Variants in ARMC9 observed in about 807,000 individuals in gnomAD.
ARMC9 encodes the protein armadillo repeat containing 9.
A neutral mutation model predicts 107.0 loss-of-function variants in ARMC9; 94 were observed. The observed-to-expected ratio is 0.88, with a 90% CI of 0.74 to 1.04. The LOEUF is 1.04. Ranked by LOEUF, ARMC9 falls within the 50% of genes least tolerant of loss-of-function variation. The pLI is 0.00. For synonymous variants in ARMC9, 380 were observed against 396.9 expected (o/e 0.96, Z 0.51); for missense variants, 942 against 1,030.1 (o/e 0.91, Z 1.17).
At chr2:231,205,201 TAAAAAAA>T (rs769562866) in intron 1 of ARMC9, among the ~76,000 whole-genome samples, 1 of 129,468 alleles carries the variant, frequency 7.7e-6, no homozygotes, top group Non-Finnish European at 1.7e-5. Context: ...TGTCTCTACT[TAAAAAAA>T]AAAAAAAAAA....
intron 18 of ARMC9, 105 bp downstream of exon 18, chr2:231,291,548 T>TG: frequency 8.8e-7 from 1 of 1,138,090 alleles, no homozygotes; most frequent in African/African-American, 1.5e-5. Flanking sequence ...CCGGGCACGG[T>TG]GGCTCGTGCT....
At position 231,226,790 on chromosome 2, in the gene ARMC9, G is replaced by A; in HGVS notation, c.614G>A (p.Ser205Asn). Residue 205 changes from serine to asparagine, a missense_variant, in exon 7 of 25, where the codon AGT (serine) becomes AAT (asparagine). Physicochemically the swap from Ser to Asn is conservative, Grantham distance 46. Coordinates refer to ENST00000611582, the MANE Select transcript of ARMC9 (RefSeq NM_001352754.2). ...TCATCCCAGAAGGAGAATGGACAAA[G>A]TAACAAAGGTAAATCATCTAGATTT... ...LLTIYKENGQ[S>N]NKEILQQLHQ... 6 of 1,613,654 alleles carry A rather than the reference G, an allele frequency of 3.7e-6. No homozygotes were observed. Among genetic ancestry groups the A allele is most frequent in the Non-Finnish European group, 5.1e-6 (6 of 1,179,618 alleles).
chr2:231,207,037 T>C (rs1342812255), intron 2 of ARMC9, among the ~76,000 whole-genome samples: 1 of 152,244 alleles, frequency 6.6e-6, no homozygotes, highest in Non-Finnish European at 1.5e-5. Flanking sequence ...CAAGGTCTTG[T>C]TCTGCCGCCT....
intron 9 of ARMC9, among the ~76,000 whole-genome samples, chr2:231,243,832 G>A (rs2125379553): frequency 6.6e-6 from 1 of 152,364 alleles, no homozygotes; most frequent in South Asian, 2.1e-4. Context: ...TTTACAATGT[G>A]TGAAGAAGGA....
At chr2:231,352,481 A>AT (rs1233397034) in intron 21 of ARMC9, among the ~76,000 whole-genome samples, 1 of 151,108 alleles carries the variant, frequency 6.6e-6, no homozygotes, top group Non-Finnish European at 1.5e-5. Flanking sequence ...ATTTTATTTT[A>AT]TTTTTTTATT....
chr2:231,216,411 C>T (rs2033504064), intron 4 of ARMC9, among the ~76,000 whole-genome samples: 3 of 152,092 alleles, frequency 2.0e-5, no homozygotes, highest in Admixed American at 2.0e-4. Context: ...AGTTAAAAAG[C>T]AGCATATTGA....
At chr2:231,267,854 C>A (rs2038987774) in intron 12 of ARMC9, among the ~76,000 whole-genome samples, 1 of 152,138 alleles carries the variant, frequency 6.6e-6, no homozygotes, top group Non-Finnish European at 1.5e-5. Flanking sequence ...TATGTCCTAG[C>A]AAAACCACTC....
intron 19 of ARMC9, among the ~76,000 whole-genome samples, chr2:231,304,724 A>C (rs1228701878): frequency 1.3e-5 from 2 of 152,184 alleles, no homozygotes; most frequent in East Asian, 3.8e-4. Context: ...TTATTATATA[A>C]CATAAGAAAT....
chr2:231,234,320 G>A (rs552864300), intron 7 of ARMC9, among the ~76,000 whole-genome samples: 14 of 152,248 alleles, frequency 9.2e-5, no homozygotes, highest in Non-Finnish European at 1.6e-4. Context: ...GGCTGCCCAC[G>A]GGGGGATTCC....
chr2:231,376,441 C>T lies in ARMC9; in HGVS notation c.*4906C>T, dbSNP rs1300053215. Among the ~76,000 whole-genome samples the T allele has an allele frequency of 2.0e-5, 3 of 152,038 alleles. No homozygotes were observed. The highest frequency in any genetic ancestry group is 7.3e-5 in the African/African-American group (3 of 41,376). On this transcript the variant is annotated 3_prime_UTR_variant, in exon 25 of 25. Transcript: ENST00000611582. The stretch of plus-strand genomic sequence containing the variant: ...GGCCCCCCTCCCCCGGGGGCGTGGT[C>T]GTCTCTTATGGTCGAGGCTGCAGAG...
chr2:231,373,859 G>T lies in ARMC9; in HGVS notation c.*2324G>T, dbSNP rs946655860. ...GGAAGATGCAGTGAGCCAAGATCAC[G>T]CCCCTGCACTCCAGCCTGGGCGACA... On this transcript the variant is annotated 3_prime_UTR_variant, in exon 25 of 25. Coordinates refer to ENST00000611582, the MANE Select transcript of ARMC9 (RefSeq NM_001352754.2). This position sits in a 1 kb window ranked among gnomAD's most constrained non-coding sequence, Gnocchi z 4.4. The T allele has an allele frequency of 6.6e-6, 1 of 150,490 alleles. No homozygotes were observed. The highest frequency in any genetic ancestry group is 1.5e-5 in the Non-Finnish European group (1 of 67,840). 9.3% of individuals were successfully genotyped at this position (150,490 alleles called of 1,614,324 possible). A position where few individuals can be genotyped will look rare whatever the true frequency, so the allele number is the denominator to read the frequency against.
chr2:231,292,167 CAAA>C (rs1248110796), intron 18 of ARMC9, among the ~76,000 whole-genome samples: 2 of 56,042 alleles, frequency 3.6e-5, no homozygotes, highest in Non-Finnish European at 3.7e-5. Flanking sequence ...AACTCCTTCT[CAAA>C]AAAAAAAAAA....
At chr2:231,292,818 GC>G (rs1440525885) in intron 18 of ARMC9, among the ~76,000 whole-genome samples, 16 of 152,244 alleles carry the variant, frequency 1.1e-4, no homozygotes, top group African/African-American at 3.1e-4. Context: ...CTTGGCCAAG[GC>G]CAGAAGCCCC....
At chr2:231,339,198 T>G (rs1054478726) in intron 20 of ARMC9, among the ~76,000 whole-genome samples, 5 of 150,590 alleles carry the variant, frequency 3.3e-5, no homozygotes, top group Non-Finnish European at 4.4e-5. Flanking sequence ...CGTGGTGGTG[T>G]GCATCTGTAA....
chr2:231,353,473 C>T lies in ARMC9; in HGVS notation c.1995-2325C>T, dbSNP rs1176808070. On this transcript the variant is annotated intron_variant, in intron 21 of 24. Transcript: ENST00000611582. ...CTGGGATTACAGGTGTGAGCCACTG[C>T]ACCCGGCCACAAAGTGACAATTCTA... Among the ~76,000 whole-genome samples the T allele has an allele frequency of 1.8e-5, 2 of 111,238 alleles. 1 individual carries two copies. Among genetic ancestry groups the T allele is most frequent in the African/African-American group, 2.0e-4 (2 of 10,026 alleles). The allele number at this position is 111,238 out of a possible 152,430, so 73.0% of individuals were successfully genotyped here. A position where few individuals can be genotyped will look rare whatever the true frequency, so the allele number is the denominator to read the frequency against.
In ARMC9 at chr2:231,360,064, G is replaced by A. The variant is rs138948149; in HGVS notation, c.2132-690G>A. Among the ~76,000 whole-genome samples the A allele has an allele frequency of 1.8e-4, 28 of 152,260 alleles. No homozygotes were observed. The highest frequency in any genetic ancestry group is 6.5e-4 in the African/African-American group (27 of 41,550). ...TCAGCTGTAGGAGAAGAGGAGAGGC[G>A]GGGTGGGGGAAGGGGTGCGTGGCAT... On this transcript the variant is annotated intron_variant, in intron 22 of 24. Coordinates refer to ENST00000611582, the MANE Select transcript of ARMC9 (RefSeq NM_001352754.2). This position sits in a 1 kb window ranked among gnomAD's most constrained non-coding sequence, Gnocchi z 4.7.
chr2:231,327,506 A>G (rs1048859808), intron 19 of ARMC9, among the ~76,000 whole-genome samples: 1 of 152,184 alleles, frequency 6.6e-6, no homozygotes, highest in Admixed American at 6.5e-5. Context: ...GCTTGTGTAC[A>G]TCAGTAGTTC....
At chr2:231,324,549 C>T (rs780267133) in intron 19 of ARMC9, among the ~76,000 whole-genome samples, 14 of 149,630 alleles carry the variant, frequency 9.4e-5, no homozygotes, top group Admixed American at 4.0e-4. Context: ...GTTGGGAGTT[C>T]GAGACCAGCC....
intron 19 of ARMC9, among the ~76,000 whole-genome samples, chr2:231,309,796 T>G (rs2042236117): frequency 6.6e-6 from 1 of 152,184 alleles, no homozygotes; most frequent in South Asian, 2.1e-4. Context: ...ATGTTTATGC[T>G]GAACCTTAGC....
Sources: gnomAD v4.1 joint callset for allele counts (sites outside exome capture counted in the v4.1 genomes callset) on GRCh38, gnomAD v4.1.1 for gene constraint, Gnocchi (gnomAD v3.1) non-coding constraint, MANE v1.5 for transcripts, NCBI Gene and HGNC (gene_info 2026-07-23, HGNC 2026-07-21) for gene names.